Variants in NFIB observed in about 807,000 individuals in gnomAD.
NFIB encodes the protein nuclear factor I B.
A neutral mutation model predicts 61.5 loss-of-function variants in NFIB; 11 were observed. That is an observed-to-expected ratio of 0.18 (90% CI 0.11 to 0.30). NFIB has a LOEUF of 0.30. NFIB is among the 10% of genes least tolerant of loss of function. The pLI, the probability that NFIB is intolerant of heterozygous loss-of-function variation, is 1.00. For synonymous variants in NFIB, 260 were observed against 216.5 expected (o/e 1.20, Z -1.76); for missense variants, 471 against 608.9 (o/e 0.77, Z 2.38).
At chr9:14,454,818 T>G in the NFIB span, among the ~76,000 whole-genome samples, 2 of 152,206 alleles carry the variant, frequency 1.3e-5, no homozygotes, top group African/African-American at 4.8e-5. Context: ...ATAAGTGGAA[T>G]TGACATGTGT....
intron 2 of NFIB, among the ~76,000 whole-genome samples, chr9:14,224,078 G>C (rs867224229): frequency 6.6e-6 from 1 of 152,088 alleles, no homozygotes; most frequent in Non-Finnish European, 1.5e-5. Context: ...AATGTCCCTC[G>C]TCCAATTACG....
At chr9:14,415,357 C>G in the NFIB span, among the ~76,000 whole-genome samples, 2 of 152,128 alleles carry the variant, frequency 1.3e-5, no homozygotes, top group African/African-American at 4.8e-5. Context: ...GAGGCATAAC[C>G]CACAACACAT....
At chr9:14,205,754 T>C (rs1035327792) in intron 2 of NFIB, among the ~76,000 whole-genome samples, 5 of 152,238 alleles carry the variant, frequency 3.3e-5, no homozygotes, top group Admixed American at 6.5e-5. Flanking sequence ...GTATTCATCA[T>C]AGTGCTTATT....
intron 1 of NFIB, among the ~76,000 whole-genome samples, chr9:14,368,606 C>T (rs2061327431): frequency 6.6e-6 from 1 of 152,184 alleles, no homozygotes; most frequent in Non-Finnish European, 1.5e-5. Flanking sequence ...TTGGTTCAGT[C>T]ATCTGAATAA....
At chr9:14,285,715 A>G (rs572633766) in intron 2 of NFIB, among the ~76,000 whole-genome samples, 1 of 152,260 alleles carries the variant, frequency 6.6e-6, no homozygotes, top group African/African-American at 2.4e-5. Flanking sequence ...GTGACTTTGC[A>G]AACAATACCT....
intron 1 of NFIB, among the ~76,000 whole-genome samples, chr9:14,350,149 A>G (rs2061088871): frequency 6.6e-6 from 1 of 152,074 alleles, no homozygotes; most frequent in South Asian, 2.1e-4. Context: ...GTGCCTCTGT[A>G]TTATTTCGGT....
At chr9:14,211,202 T>A (rs1177917280) in intron 2 of NFIB, among the ~76,000 whole-genome samples, 1 of 152,186 alleles carries the variant, frequency 6.6e-6, no homozygotes, top group Non-Finnish European at 1.5e-5. Context: ...TATTCAAAAA[T>A]AGTTTTTCTG....
At chr9:14,137,711 T>C (rs954067446) in intron 6 of NFIB, among the ~76,000 whole-genome samples, 6 of 152,136 alleles carry the variant, frequency 3.9e-5, no homozygotes, top group African/African-American at 1.2e-4. Context: ...AACATATGTA[T>C]GATAATAAAT....
intron 2 of NFIB, among the ~76,000 whole-genome samples, chr9:14,187,132 T>C (rs904695971): frequency 2.0e-5 from 3 of 151,622 alleles, no homozygotes; most frequent in African/African-American, 4.9e-5. Context: ...CTCTTTTCAA[T>C]AGGGCATTAA....
At chr9:14,235,276 G>A (rs2053630163) in intron 2 of NFIB, among the ~76,000 whole-genome samples, 1 of 152,204 alleles carries the variant, frequency 6.6e-6, no homozygotes, top group Admixed American at 6.5e-5. Flanking sequence ...TTAAAACTTG[G>A]GAGGCAAACT....
At chr9:14,338,773 C>CT (rs2132868633) in intron 1 of NFIB, among the ~76,000 whole-genome samples, 1 of 151,834 alleles carries the variant, frequency 6.6e-6, no homozygotes, top group Admixed American at 6.6e-5. Flanking sequence ...CTTTCTCTTT[C>CT]CTTTATGTTA....
the NFIB span, among the ~76,000 whole-genome samples, chr9:14,470,754 G>T: frequency 0.024 from 3,597 of 152,264 alleles, 63 homozygotes; most frequent in Admixed American, 0.038. Context: ...CCGAAACTAG[G>T]AGGAAACACC....
the NFIB span, among the ~76,000 whole-genome samples, chr9:14,448,534 G>T: frequency 6.6e-6 from 1 of 152,202 alleles, no homozygotes; most frequent in South Asian, 2.1e-4. Flanking sequence ...GATGGAGAAG[G>T]TGCTATTCAG....
intron 2 of NFIB, among the ~76,000 whole-genome samples, chr9:14,210,770 A>G (rs1329230605): frequency 6.6e-6 from 1 of 152,072 alleles, no homozygotes; most frequent in East Asian, 1.9e-4. Context: ...TTTACTGGAA[A>G]AAAACAGAAA....
At chr9:14,161,249 T>C (rs1467144003) in intron 3 of NFIB, among the ~76,000 whole-genome samples, 1 of 151,972 alleles carries the variant, frequency 6.6e-6, no homozygotes, top group Non-Finnish European at 1.5e-5. Flanking sequence ...AAGCTGAAAC[T>C]GTGATTATAA....
intron 1 of NFIB, chr9:14,322,183 T>C: frequency 8.7e-7 from 1 of 1,145,834 alleles, no homozygotes; most frequent in Non-Finnish European, 1.1e-6. Context: ...GAAAAGGCGG[T>C]CAAAGTCAAG....
intron 5 of NFIB, among the ~76,000 whole-genome samples, chr9:14,147,608 C>A (rs1174661368): frequency 1.4e-5 from 2 of 148,136 alleles, no homozygotes; most frequent in Non-Finnish European, 3.0e-5. Context: ...AAGAAGGCCA[C>A]TGCCAAATTC....
At chr9:14,170,228 A>T (rs2045414832) in intron 3 of NFIB, among the ~76,000 whole-genome samples, 2 of 152,334 alleles carry the variant, frequency 1.3e-5, no homozygotes, top group South Asian at 2.1e-4. Context: ...TCCGTCTGTG[A>T]GGCAGAAAAT....
At chr9:14,150,414 G>C in intron 4 of NFIB, 149 bp from the exon 5 acceptor site, 3 of 1,345,330 alleles carry the variant, frequency 2.2e-6, no homozygotes, top group Non-Finnish European at 3.0e-6. Context: ...ATACAACCTG[G>C]GTAGGACCTG....
Sources: allele counts gnomAD v4.1 joint callset (sites outside exome capture counted in the v4.1 genomes callset), GRCh38; gene constraint gnomAD v4.1.1; transcripts MANE v1.5; gene names NCBI Gene and HGNC (gene_info 2026-07-23, HGNC 2026-07-21).